PREX1: variants seen among roughly 807,000 people sequenced by gnomAD.
PREX1 encodes the protein phosphatidylinositol 3,4,5-trisphosphate-dependent Rac exchanger 1 protein.
In PREX1, 41 loss-of-function variants were observed where a neutral mutation model predicts 198.3. The observed-to-expected ratio is 0.21, with a 90% CI of 0.16 to 0.27. The LOEUF (loss-of-function observed/expected upper bound fraction) is 0.27, where lower values mean the gene tolerates loss of function less well. PREX1 is among the 10% of genes least tolerant of loss of function. PREX1 has a pLI of 1.00. For synonymous variants in PREX1, 843 were observed against 887.2 expected (o/e 0.95, Z 0.89); for missense variants, 1,620 against 2,200.7 (o/e 0.74, Z 5.28).
intron 32 of PREX1, among the ~76,000 whole-genome samples, chr20:48,635,899 G>C (rs895670770): frequency 6.6e-6 from 1 of 152,216 alleles, no homozygotes; most frequent in African/African-American, 2.4e-5. Context: ...CTGGGCCCCA[G>C]GTTGTGCATT....
intron 14 of PREX1, among the ~76,000 whole-genome samples, chr20:48,673,867 C>A (rs1380000486): frequency 6.6e-6 from 1 of 152,194 alleles, no homozygotes; most frequent in Non-Finnish European, 1.5e-5. Context: ...ATGTCAGGCA[C>A]CATTCTAAGC....
intron 1 of PREX1, among the ~76,000 whole-genome samples, chr20:48,806,864 C>G (rs1297348319): frequency 2.0e-5 from 3 of 152,154 alleles, no homozygotes; most frequent in Non-Finnish European, 2.9e-5. Context: ...GGCTCAGTGC[C>G]AGTATGGAGG....
intron 2 of PREX1, 101 bp downstream of exon 2, chr20:48,747,708 C>T (rs1214700177): frequency 8.4e-6 from 11 of 1,307,334 alleles, no homozygotes; most frequent in East Asian, 7.5e-5. Context: ...GCGGGTGATG[C>T]GCCTCCCCCT....
rs1291558475 is a variant in PREX1 at position 48,747,836 on chromosome 20, C to T, written c.264G>A (p.Glu88=). The T allele has an allele frequency of 1.2e-6, 2 of 1,613,524 alleles. No individual in the cohort carries two copies. The highest frequency in any genetic ancestry group is 3.3e-5 in the Admixed American group (2 of 59,976). ...TGACATTCTCCTCCGTGAGGCCCTT[C>T]TCCACTGAGTCGGCCACGTTCTGCC... ...RIRQNVADSV[E]KGLTEENVKV... Residue 88 remains glutamate, a synonymous_variant, in exon 2 of 40, where the codon GAG becomes GAA. Coordinates refer to ENST00000371941, the MANE Select transcript of PREX1 (RefSeq NM_020820.4).
intron 13 of PREX1, among the ~76,000 whole-genome samples, chr20:48,677,823 T>C (rs745752050): frequency 6.7e-6 from 1 of 150,236 alleles, no homozygotes; most frequent in Non-Finnish European, 1.5e-5. Context: ...CCATCTCTAC[T>C]AACAATATAG....
intron 3 of PREX1, among the ~76,000 whole-genome samples, chr20:48,737,969 G>A (rs908171988): frequency 6.6e-6 from 1 of 152,162 alleles, no homozygotes; most frequent in African/African-American, 2.4e-5. Context: ...ATTTGTTTAA[G>A]CCTATCTGAA....
At chr20:48,634,175 C>CATGG (rs779106334) in intron 33 of PREX1, among the ~76,000 whole-genome samples, 215 of 74,740 alleles carry the variant, frequency 2.9e-3, no homozygotes, top group South Asian at 8.1e-3. Flanking sequence ...TGGATGGATG[C>CATGG]ATGGATGGAT....
chr20:48,828,904 G>A (rs1477279029), upstream of PREX1, among the ~76,000 whole-genome samples: 2 of 152,200 alleles, frequency 1.3e-5, no homozygotes, highest in African/African-American at 2.4e-5. Flanking sequence ...CCGCCTTATC[G>A]GAAGGTATGG....
the PREX1 span, among the ~76,000 whole-genome samples, chr20:48,887,892 G>A: frequency 6.6e-6 from 1 of 151,906 alleles, no homozygotes. Context: ...GGAGCTTGCA[G>A]TGAGCCGAGA....
chr20:48,708,834 TG>T (rs2089916377), intron 5 of PREX1, among the ~76,000 whole-genome samples: 1 of 152,072 alleles, frequency 6.6e-6, no homozygotes, highest in South Asian at 2.1e-4. Flanking sequence ...AAGGAGGCAG[TG>T]TGTCTGGGGT....
chr20:48,814,453 G>A (rs1439698457), intron 1 of PREX1, among the ~76,000 whole-genome samples: 2 of 152,220 alleles, frequency 1.3e-5, no homozygotes, highest in African/African-American at 4.8e-5. Context: ...AGCTGAAAGA[G>A]AAAGGGGGGT....
chr20:48,860,293 C>G, the PREX1 span, among the ~76,000 whole-genome samples: 1 of 152,070 alleles, frequency 6.6e-6, no homozygotes, highest in Non-Finnish European at 1.5e-5. Flanking sequence ...AAATACTATA[C>G]AATTACACTG....
intron 9 of PREX1, among the ~76,000 whole-genome samples, chr20:48,690,129 T>C (rs777921973): frequency 2.6e-5 from 4 of 152,130 alleles, no homozygotes; most frequent in Non-Finnish European, 5.9e-5. Context: ...TGAAGAGCTA[T>C]GATTTAGACA....
At chr20:48,846,161 C>T in the PREX1 span, among the ~76,000 whole-genome samples, 6 of 152,082 alleles carry the variant, frequency 3.9e-5, no homozygotes, top group South Asian at 2.1e-4. Context: ...AACTTGCCTA[C>T]GGTCACATAG....
intron 1 of PREX1, among the ~76,000 whole-genome samples, chr20:48,749,056 G>A (rs1206382170): frequency 1.3e-5 from 2 of 152,108 alleles, no homozygotes; most frequent in African/African-American, 4.8e-5. Context: ...AAGAGCTGCC[G>A]AGGGGTCACA....
the PREX1 span, among the ~76,000 whole-genome samples, chr20:48,884,236 T>A: frequency 1.3e-5 from 2 of 151,988 alleles, no homozygotes; most frequent in South Asian, 4.1e-4. Flanking sequence ...CCAAGACAAC[T>A]TTGACAAATA....
At chr20:48,821,830 T>C (rs1194279430) in intron 1 of PREX1, 2 of 152,168 alleles carry the variant, frequency 1.3e-5, no homozygotes, top group Admixed American at 1.3e-4. Context: ...CCCATTCGCG[T>C]CTTCTTAAAG....
intron 5 of PREX1, among the ~76,000 whole-genome samples, chr20:48,720,833 G>A (rs773217619): frequency 5.3e-5 from 8 of 152,020 alleles, no homozygotes; most frequent in African/African-American, 1.5e-4. Flanking sequence ...GGTAACAGCC[G>A]AATGACAAGG....
the PREX1 span, among the ~76,000 whole-genome samples, chr20:48,852,666 C>T: frequency 4.1e-4 from 63 of 152,310 alleles, 1 homozygote; most frequent in African/African-American, 1.5e-3. Flanking sequence ...TTCTGAGTAG[C>T]AAGGCCCTAG....
Sources: gnomAD v4.1 joint callset for allele counts (sites outside exome capture counted in the v4.1 genomes callset) on GRCh38, gnomAD v4.1.1 for gene constraint, MANE v1.5 for transcripts, NCBI Gene and HGNC (gene_info 2026-07-23, HGNC 2026-07-21) for gene names.